Variants in E2F5 observed in about 807,000 individuals in gnomAD.
The protein encoded by E2F5 is transcription factor E2F5.
Under a neutral mutation model 39.1 loss-of-function variants are expected in E2F5, and 23 were observed. The ratio of observed to expected loss-of-function variants is 0.59; its 90% CI spans 0.42 to 0.83. E2F5 has a LOEUF of 0.83. E2F5 is among the 40% of genes least tolerant of loss of function. The pLI, the probability that E2F5 is intolerant of heterozygous loss-of-function variation, is 0.00. For missense variants in E2F5, 365 were observed against 406.7 expected, an observed-to-expected ratio of 0.90 and a Z score of 0.88; for synonymous variants, 145 against 157.8, an observed-to-expected ratio of 0.92 and a Z score of 0.61.
At chr8:85,196,613 T>G (rs1358336013) in intron 1 of E2F5, among the ~76,000 whole-genome samples, 1 of 152,232 alleles carries the variant, frequency 6.6e-6, no homozygotes, top group Non-Finnish European at 1.5e-5. Flanking sequence ...TGAAATCATA[T>G]AAGTCCATTT....
intron 1 of E2F5, among the ~76,000 whole-genome samples, chr8:85,184,438 C>T (rs1812284654): frequency 6.6e-6 from 1 of 152,198 alleles, no homozygotes; most frequent in Admixed American, 6.5e-5. Flanking sequence ...TGGAAGCATT[C>T]CCTTCGAAAA....
intron 4 of E2F5, among the ~76,000 whole-genome samples, chr8:85,206,498 G>C (rs1249840438): frequency 6.6e-6 from 1 of 152,144 alleles, no homozygotes; most frequent in Non-Finnish European, 1.5e-5. Context: ...ATCAGAGCGG[G>C]ATTAAGCAAC....
In E2F5 at chr8:85,212,149, G is replaced by A. The variant is rs1470277295; in HGVS notation, c.884-8G>A. Reference sequence around the variant, plus strand: ...AGAAATATAACAAAACTTTATTACTGTTTCCAGCAGGATCTATTAGTGGAG... The same window carrying A: ...AGAAATATAACAAAACTTTATTACTATTTCCAGCAGGATCTATTAGTGGAG... On this transcript the variant is annotated splice_region_variant and splice_polypyrimidine_tract_variant and intron_variant, in intron 6 of 7. Transcript: ENST00000416274. The A allele has an allele frequency of 1.2e-6, 2 of 1,606,238 alleles. No individual in the cohort carries two copies. Among genetic ancestry groups the A allele is most frequent in the South Asian group, 1.1e-5 (1 of 89,642 alleles).
At chr8:85,200,347 T>TA in intron 1 of E2F5, 1 of 856,724 alleles carries the variant, frequency 1.2e-6, no homozygotes, top group Non-Finnish European at 1.4e-6. Flanking sequence ...TTTACATACT[T>TA]AAATAGTAAA....
chr8:85,185,843 A>G (rs183630237), intron 1 of E2F5, among the ~76,000 whole-genome samples: 290 of 152,348 alleles, frequency 1.9e-3, no homozygotes, highest in South Asian at 4.6e-3. Flanking sequence ...GGCGATCATT[A>G]AAAAGTCAGG....
intron 1 of E2F5, among the ~76,000 whole-genome samples, chr8:85,182,051 T>C (rs1812230984): frequency 6.6e-6 from 1 of 152,080 alleles, no homozygotes; most frequent in East Asian, 1.9e-4. Context: ...TAGAAAGACA[T>C]TGAAAGTGAT....
At chr8:85,211,246 A>T in intron 6 of E2F5, among the ~76,000 whole-genome samples, 1 of 150,918 alleles carries the variant, frequency 6.6e-6, no homozygotes, top group Admixed American at 6.6e-5. Flanking sequence ...AAAAAAAATT[A>T]AAAATTAGCT....
At chr8:85,189,372 A>ATAT (rs151206382) in intron 1 of E2F5, among the ~76,000 whole-genome samples, 1 of 151,782 alleles carries the variant, frequency 6.6e-6, no homozygotes, top group Non-Finnish European at 1.5e-5. Flanking sequence ...CTACTTATTA[A>ATAT]TATTATTATT....
intron 1 of E2F5, among the ~76,000 whole-genome samples, chr8:85,179,674 T>A (rs1018794332): frequency 2.6e-5 from 4 of 152,152 alleles, no homozygotes; most frequent in African/African-American, 9.6e-5. Flanking sequence ...TTTTTTTCTT[T>A]TTTGAGACGG....
intron 1 of E2F5, among the ~76,000 whole-genome samples, chr8:85,190,297 C>T (rs1425714963): frequency 1.3e-5 from 2 of 151,874 alleles, no homozygotes; most frequent in Non-Finnish European, 2.9e-5. Context: ...TACACAAACA[C>T]ACAACTGGCC....
At chr8:85,181,996 A>G (rs370457542) in intron 1 of E2F5, among the ~76,000 whole-genome samples, 1 of 151,956 alleles carries the variant, frequency 6.6e-6, no homozygotes, top group Admixed American at 6.5e-5. Context: ...TAGAAAATCA[A>G]TTTTAATAAA....
At chr8:85,197,753 A>AAT (rs1488676098) in intron 1 of E2F5, among the ~76,000 whole-genome samples, 6 of 152,196 alleles carry the variant, frequency 3.9e-5, no homozygotes, top group Non-Finnish European at 8.8e-5. Context: ...GTGATTAAGA[A>AAT]ATATATATAC....
chr8:85,179,823 C>T (rs545161391), intron 1 of E2F5, among the ~76,000 whole-genome samples: 1 of 151,858 alleles, frequency 6.6e-6, no homozygotes, highest in Admixed American at 6.6e-5. Context: ...GCGCACCCAG[C>T]TAATTTTTTT....
At chr8:85,205,654 T>G (rs1467159283) in intron 3 of E2F5, among the ~76,000 whole-genome samples, 1 of 152,216 alleles carries the variant, frequency 6.6e-6, no homozygotes, top group Non-Finnish European at 1.5e-5. Context: ...GCTCCTGTCT[T>G]CTGCCTCCTG....
At chr8:85,203,800 T>C (rs1463891737) in intron 3 of E2F5, among the ~76,000 whole-genome samples, 4 of 148,560 alleles carry the variant, frequency 2.7e-5, no homozygotes, top group Non-Finnish European at 5.9e-5. Flanking sequence ...GGGAAAAACA[T>C]TATTATATAT....
intron 6 of E2F5, among the ~76,000 whole-genome samples, chr8:85,210,425 C>T (rs1812891179): frequency 6.6e-6 from 1 of 152,028 alleles, no homozygotes; most frequent in African/African-American, 2.4e-5. Flanking sequence ...CAACTGTAAT[C>T]CCAGCACTTA....
chr8:85,178,449 G>A (rs376404345), intron 1 of E2F5, among the ~76,000 whole-genome samples: 1 of 152,200 alleles, frequency 6.6e-6, no homozygotes, highest in East Asian at 1.9e-4. Flanking sequence ...GGCATCAAAA[G>A]CTGTTCTGTC....
intron 1 of E2F5, among the ~76,000 whole-genome samples, chr8:85,181,064 G>C (rs1257050059): frequency 6.6e-6 from 1 of 151,754 alleles, no homozygotes; most frequent in Non-Finnish European, 1.5e-5. Context: ...TTTTAGTAGA[G>C]ACAGGGTTTT....
intron 6 of E2F5, 42 bp from the exon 7 acceptor site, chr8:85,212,115 A>T: frequency 6.8e-7 from 1 of 1,475,136 alleles, no homozygotes; most frequent in Non-Finnish European, 9.4e-7. Flanking sequence ...AGTATCTTTT[A>T]CTGTTAACAG....
Sources: gnomAD v4.1 joint callset for allele counts (sites outside exome capture counted in the v4.1 genomes callset) on GRCh38, gnomAD v4.1.1 for gene constraint, MANE v1.5 for transcripts, NCBI Gene and HGNC (gene_info 2026-07-23, HGNC 2026-07-21) for gene names.